The following MGAT4C variants were observed in gnomAD, a reference collection of about 807,000 sequenced individuals.
MGAT4C encodes alpha-1,3-mannosyl-glycoprotein 4-beta-N-acetylglucosaminyltransferase C.
A neutral mutation model predicts 40.1 loss-of-function variants in MGAT4C; 19 were observed. The ratio of observed to expected loss-of-function variants is 0.47; its 90% CI spans 0.33 to 0.70. The LOEUF (loss-of-function observed/expected upper bound fraction) is 0.70. MGAT4C is among the 30% of genes least tolerant of loss of function. The pLI, the probability that MGAT4C is intolerant of heterozygous loss-of-function variation, is 0.02. For missense variants in MGAT4C, 491 were observed against 563.2 expected (o/e 0.87, Z 1.30); for synonymous variants, 181 against 187.1 (o/e 0.97, Z 0.27).
intron 1 of MGAT4C, among the ~76,000 whole-genome samples, chr12:86,059,423 C>T (rs568640401): frequency 2.0e-5 from 3 of 152,282 alleles, no homozygotes; most frequent in East Asian, 1.9e-4. Context: ...ATTATCCCTT[C>T]GTTGTTTTCT....
intron 2 of MGAT4C, among the ~76,000 whole-genome samples, chr12:86,443,184 A>T (rs915109255): frequency 6.6e-6 from 1 of 150,804 alleles, no homozygotes; most frequent in Non-Finnish European, 1.5e-5. Flanking sequence ...GACATTATAT[A>T]TGTGTGTGTG....
intron 1 of MGAT4C, among the ~76,000 whole-genome samples, chr12:86,237,847 T>A (rs928857242): frequency 6.6e-6 from 1 of 151,936 alleles, no homozygotes; most frequent in Non-Finnish European, 1.5e-5. Context: ...TATCTTGCGA[T>A]CTTGAAGGAA....
At chr12:86,292,211 A>T (rs1404771096) in intron 4 of MGAT4C, among the ~76,000 whole-genome samples, 2 of 152,302 alleles carry the variant, frequency 1.3e-5, no homozygotes, top group East Asian at 1.9e-4. Context: ...ATTAGTGTTA[A>T]TAACTCTGAA....
intron 2 of MGAT4C, among the ~76,000 whole-genome samples, chr12:86,513,141 T>C (rs1958622267): frequency 6.6e-6 from 1 of 152,154 alleles, no homozygotes; most frequent in Non-Finnish European, 1.5e-5. Flanking sequence ...TGCATTTTAA[T>C]AGTTACGAAG....
intron 4 of MGAT4C, among the ~76,000 whole-genome samples, chr12:86,324,548 C>T (rs1954477809): frequency 6.6e-6 from 1 of 151,812 alleles, no homozygotes. Flanking sequence ...GAGCATATTT[C>T]ATATGTGTCA....
At chr12:86,551,573 C>A (rs897019234) in intron 2 of MGAT4C, among the ~76,000 whole-genome samples, 1 of 152,170 alleles carries the variant, frequency 6.6e-6, no homozygotes, top group Non-Finnish European at 1.5e-5. Context: ...GCCTGATAAA[C>A]AGCCCTGTGG....
intron 1 of MGAT4C, among the ~76,000 whole-genome samples, chr12:86,750,004 TA>T (rs1565963885): frequency 2.7e-4 from 41 of 151,784 alleles, no homozygotes; most frequent in African/African-American, 8.5e-4. Flanking sequence ...GGAATCAATG[TA>T]TTTGTTGGAT....
At chr12:86,273,176 A>G (rs1952991404) in intron 4 of MGAT4C, among the ~76,000 whole-genome samples, 1 of 152,206 alleles carries the variant, frequency 6.6e-6, no homozygotes, top group South Asian at 2.1e-4. Flanking sequence ...TGTTGATTAA[A>G]GAAACAAATT....
chr12:86,564,376 G>A (rs1188728933), intron 2 of MGAT4C, among the ~76,000 whole-genome samples: 2 of 151,768 alleles, frequency 1.3e-5, no homozygotes, highest in African/African-American at 2.4e-5. Context: ...TACCTTCACT[G>A]TTGTACCTCA....
At chr12:85,997,678 CT>C (rs1886782304) in intron 2 of MGAT4C, among the ~76,000 whole-genome samples, 1 of 152,208 alleles carries the variant, frequency 6.6e-6, no homozygotes, top group Admixed American at 6.5e-5. Context: ...CCAAAATTAT[CT>C]CCTTTGACTC....
At chr12:86,407,631 C>T (rs1956501793) in intron 3 of MGAT4C, among the ~76,000 whole-genome samples, 1 of 151,834 alleles carries the variant, frequency 6.6e-6, no homozygotes, top group African/African-American at 2.4e-5. Context: ...TAAGTTTAAT[C>T]AGTTTGCTGT....
chr12:86,731,311 C>G (rs1950903398), intron 1 of MGAT4C, among the ~76,000 whole-genome samples: 1 of 152,042 alleles, frequency 6.6e-6, no homozygotes, highest in Non-Finnish European at 1.5e-5. Context: ...AATTGCATCT[C>G]CCTTGCCTTC....
intron 2 of MGAT4C, among the ~76,000 whole-genome samples, chr12:86,672,364 C>G (rs1392852929): frequency 6.6e-6 from 1 of 151,942 alleles, no homozygotes; most frequent in South Asian, 2.1e-4. Context: ...CCTAACAATG[C>G]ATCATCCTAA....
chr12:86,086,195 G>A (rs957684380), intron 1 of MGAT4C, among the ~76,000 whole-genome samples: 7 of 152,100 alleles, frequency 4.6e-5, no homozygotes, highest in Admixed American at 1.3e-4. Flanking sequence ...ATACACCACG[G>A]AATACTATGC....
chr12:86,555,107 T>A (rs1193938735), intron 2 of MGAT4C, among the ~76,000 whole-genome samples: 1 of 151,894 alleles, frequency 6.6e-6, no homozygotes, highest in South Asian at 2.1e-4. Context: ...GGTGACTTAA[T>A]TGGGCCTATA....
At chr12:86,570,238 A>G (rs1960306554) in intron 2 of MGAT4C, among the ~76,000 whole-genome samples, 1 of 152,112 alleles carries the variant, frequency 6.6e-6, no homozygotes. Flanking sequence ...GTGCATATGT[A>G]ATTAGCTTTA....
intron 1 of MGAT4C, among the ~76,000 whole-genome samples, chr12:86,163,605 T>G (rs891163134): frequency 2.0e-4 from 31 of 152,184 alleles, no homozygotes; most frequent in African/African-American, 7.5e-4. Flanking sequence ...AAGTATTGAA[T>G]AAATCCATGT....
chr12:86,765,768 G>T (rs2136159493), intron 1 of MGAT4C, among the ~76,000 whole-genome samples: 1 of 152,226 alleles, frequency 6.6e-6, no homozygotes, highest in Admixed American at 6.5e-5. Context: ...GCCAAACTAA[G>T]CTTCATAAGT....
rs766814115 is a variant in MGAT4C at position 85,979,805 on chromosome 12, A to G, written c.921T>C (p.Ser307=). The G allele has an allele frequency of 9.9e-6, 16 of 1,613,624 alleles. No individual in the cohort carries two copies. The highest frequency in any genetic ancestry group is 1.6e-4 in the Middle Eastern group (1 of 6,084). ...AATAATAGCCCATGTGCTGAAAGAG[A>G]GATGGTTTAAAACGGATCACATTTT... The part of the protein sequence containing the change: ...AQKNVIRFKP[S]LFQHMGYYSS... The change falls in exon 5 of 5, where the codon TCT becomes TCC. Residue 307 remains serine, a synonymous_variant. Coordinates refer to ENST00000611864, the MANE Select transcript of MGAT4C (RefSeq NM_001351288.2).
Sources: gnomAD v4.1 joint callset for allele counts (sites outside exome capture counted in the v4.1 genomes callset) on GRCh38, gnomAD v4.1.1 for gene constraint, MANE v1.5 for transcripts, NCBI Gene and HGNC (gene_info 2026-07-23, HGNC 2026-07-21) for gene names.